NDRG1: variants seen among roughly 807,000 people sequenced by gnomAD.
The protein encoded by NDRG1 is N-myc downstream regulated 1, also known as protein NDRG1.
A neutral mutation model predicts 56.9 loss-of-function variants in NDRG1; 32 were observed. The ratio of observed to expected loss-of-function variants is 0.56; its 90% CI spans 0.42 to 0.76. The LOEUF (loss-of-function observed/expected upper bound fraction) is 0.76, where lower values mean the gene tolerates loss of function less well. NDRG1 is among the 30% of genes least tolerant of loss of function. NDRG1 has a pLI of 0.00. For synonymous variants in NDRG1, 211 were observed against 204.1 expected, an observed-to-expected ratio of 1.03 and a Z score of -0.29; for missense variants, 507 against 545.7, an observed-to-expected ratio of 0.93 and a Z score of 0.71.
chr8:133,264,418 A>T, intron 4 of NDRG1, 129 bp downstream of exon 4: 5 of 823,434 alleles, frequency 6.1e-6, no homozygotes, highest in Non-Finnish European at 8.2e-6. Context: ...AGTTCTTCCC[A>T]GAACAGCCCC....
At chr8:133,258,504 G>A (rs1856496839) in intron 6 of NDRG1, 78 bp from the exon 7 acceptor site, 2 of 1,424,308 alleles carry the variant, frequency 1.4e-6, no homozygotes, top group African/African-American at 1.4e-5. Context: ...AGAACTTCCT[G>A]AGGGTGACCG....
intron 1 of NDRG1, among the ~76,000 whole-genome samples, chr8:133,291,114 G>A (rs1160847503): frequency 1.3e-5 from 2 of 152,212 alleles, no homozygotes; most frequent in Non-Finnish European, 2.9e-5. Flanking sequence ...CAGATAAAGG[G>A]AGAGCAGGCG....
At chr8:133,260,647 A>C (rs1856615509) in intron 5 of NDRG1, among the ~76,000 whole-genome samples, 1 of 152,228 alleles carries the variant, frequency 6.6e-6, no homozygotes, top group Non-Finnish European at 1.5e-5. Context: ...GCTGGTTAAC[A>C]ATTAACCACG....
At chr8:133,270,534 G>C (rs1283077699) in intron 3 of NDRG1, among the ~76,000 whole-genome samples, 2 of 152,192 alleles carry the variant, frequency 1.3e-5, no homozygotes, top group African/African-American at 4.8e-5. Flanking sequence ...GCTTCAAGGA[G>C]AGTTTTTTAA....
At chr8:133,267,777 G>A (rs147899936) in intron 3 of NDRG1, among the ~76,000 whole-genome samples, 3 of 152,066 alleles carry the variant, frequency 2.0e-5, no homozygotes, top group Admixed American at 6.5e-5. Context: ...CCCAACCTCC[G>A]AGCCTCCAGG....
At chr8:133,254,423 G>T in intron 9 of NDRG1, 116 bp downstream of exon 9, 2 of 975,672 alleles carry the variant, frequency 2.0e-6, no homozygotes, top group Non-Finnish European at 3.1e-6. Flanking sequence ...CACCAGCTCG[G>T]TGGCCCCCAG....
intron 2 of NDRG1, among the ~76,000 whole-genome samples, chr8:133,283,897 G>A (rs1425005150): frequency 1.3e-5 from 2 of 152,214 alleles, no homozygotes; most frequent in African/African-American, 4.8e-5. Flanking sequence ...TTAGAGACGG[G>A]AAAGCTGAGA....
intron 8 of NDRG1, chr8:133,255,334 G>A (rs1238950764): frequency 4.4e-6 from 2 of 456,182 alleles, no homozygotes; most frequent in African/African-American, 2.0e-5. Flanking sequence ...ACAAGGTCAA[G>A]GGAAGGACTG....
chr8:133,250,680 A>G (rs1855969683), intron 9 of NDRG1, 137 bp from the exon 10 acceptor site: 2 of 768,176 alleles, frequency 2.6e-6, no homozygotes, highest in Admixed American at 4.2e-5. Flanking sequence ...GACGGACCTA[A>G]AAAAAAAACC....
At chr8:133,273,763 C>A (rs1318520573) in intron 3 of NDRG1, among the ~76,000 whole-genome samples, 1 of 152,244 alleles carries the variant, frequency 6.6e-6, no homozygotes, top group Non-Finnish European at 1.5e-5. Flanking sequence ...AGCCCTGAGA[C>A]AATGAGTATG....
intron 4 of NDRG1, 24 bp from the exon 5 acceptor site, chr8:133,262,191 G>A (rs765617046): frequency 1.9e-6 from 3 of 1,613,878 alleles, no homozygotes; most frequent in Non-Finnish European, 1.7e-6. Context: ...GTGAGGGAGA[G>A]AAGAGAAAAA....
At chr8:133,243,959 T>C (rs539279989) in intron 14 of NDRG1, among the ~76,000 whole-genome samples, 1 of 152,046 alleles carries the variant, frequency 6.6e-6, no homozygotes, top group Non-Finnish European at 1.5e-5. Context: ...CACAGACGTG[T>C]ACACATGCAC....
intron 4 of NDRG1, among the ~76,000 whole-genome samples, chr8:133,264,115 C>T (rs1257222325): frequency 6.6e-6 from 1 of 151,822 alleles, no homozygotes; most frequent in Non-Finnish European, 1.5e-5. Context: ...TCAATGTATA[C>T]AAAATTCCAG....
chr8:133,277,725 T>C (rs1217756289), intron 3 of NDRG1, among the ~76,000 whole-genome samples: 1 of 152,166 alleles, frequency 6.6e-6, no homozygotes, highest in Non-Finnish European at 1.5e-5. Flanking sequence ...GCAAAAATAA[T>C]TCGGGAAAAC....
chr8:133,263,115 T>C (rs2130738938), intron 4 of NDRG1, among the ~76,000 whole-genome samples: 1 of 152,360 alleles, frequency 6.6e-6, no homozygotes, highest in East Asian at 1.9e-4. Context: ...CGCTGCCATA[T>C]GCAATTCCAG....
rs1209520401 is a variant in NDRG1 at position 133,269,394 on chromosome 8, G to T, written c.100-4742C>A. On this transcript the variant is annotated intron_variant, in intron 3 of 15. Coordinates refer to ENST00000323851, the MANE Select transcript of NDRG1 (RefSeq NM_006096.4). ...ACACACTTTCCTCTCACCTGCTCTG[G>T]AAGAGTCTAGAAAGCTGCTCTTTCA... Among the ~76,000 whole-genome samples the T allele has an allele frequency of 5.3e-5, 8 of 152,336 alleles. No individual in the cohort carries two copies. The South Asian group carries it at 1.7e-3, about 32-fold the overall frequency.
chr8:133,293,143 T>C lies in NDRG1; in HGVS notation c.-19+3991A>G, dbSNP rs1021901081. On this transcript the variant is annotated intron_variant, in intron 1 of 15. Transcript: ENST00000323851. ...AGGTTGGCACCTACTCATGGCCCTCTACCTCTGCAGCCGCCTTCCTGTGGG... is the reference window on the plus strand; with the variant it reads ...AGGTTGGCACCTACTCATGGCCCTCCACCTCTGCAGCCGCCTTCCTGTGGG... Among the ~76,000 whole-genome samples the C allele has an allele frequency of 2.6e-4, 39 of 152,124 alleles. 1 individual carries two copies. The highest frequency in any genetic ancestry group is 1.5e-5 in the Non-Finnish European group (1 of 68,006).
rs377228732 is a variant in NDRG1 at position 133,284,233 on chromosome 8, G to A, written c.63+16C>T. 1.9e-5 allele frequency: 30 copies of A among 1,613,360 alleles called. No homozygotes were observed. The highest frequency in any genetic ancestry group is 2.4e-5 in the Non-Finnish European group (28 of 1,179,508). ...CATGTGCCTGTGATGGGGTAGCCAG[G>A]AAGATCTCCACTCACCTCCCCTTTC... On this transcript the variant is annotated intron_variant, in intron 2 of 15. Coordinates refer to ENST00000323851, the MANE Select transcript of NDRG1 (RefSeq NM_006096.4).
At chr8:133,266,233 C>T (rs897639682) in intron 3 of NDRG1, among the ~76,000 whole-genome samples, 4 of 152,244 alleles carry the variant, frequency 2.6e-5, no homozygotes, top group Non-Finnish European at 5.9e-5. Context: ...CGCCCGCAAG[C>T]GGCGCACACT....
Sources: gnomAD v4.1 joint callset for allele counts (sites outside exome capture counted in the v4.1 genomes callset) on GRCh38, gnomAD v4.1.1 for gene constraint, MANE v1.5 for transcripts, NCBI Gene and HGNC (gene_info 2026-07-23, HGNC 2026-07-21) for gene names.